Variants in FBXO3 observed in about 807,000 individuals in gnomAD.
FBXO3 encodes the protein F-box only protein 3.
A neutral mutation model predicts 64.8 loss-of-function variants in FBXO3; 17 were observed. The observed-to-expected ratio is 0.26, with a 90% CI of 0.18 to 0.39. The LOEUF is 0.39. Ranked by LOEUF, FBXO3 falls within the 10% of genes least tolerant of loss-of-function variation. The pLI is 1.00. For synonymous variants in FBXO3, 182 were observed against 201.6 expected (o/e 0.90, Z 0.82); for missense variants, 420 against 589.9 (o/e 0.71, Z 2.98).
intron 6 of FBXO3, among the ~76,000 whole-genome samples, chr11:33,752,851 CA>C (rs1854997421): frequency 6.6e-6 from 1 of 151,912 alleles, no homozygotes; most frequent in Non-Finnish European, 1.5e-5. Flanking sequence ...TAACTAAAAA[CA>C]AATTTGTGGT....
intron 6 of FBXO3, 30 bp downstream of exon 6, chr11:33,754,425 A>AGGG: frequency 6.5e-7 from 1 of 1,547,906 alleles, no homozygotes; most frequent in Middle Eastern, 1.7e-4. Flanking sequence ...AAGAAGAAGA[A>AGGG]GGGGGAAAAA....
At chr11:33,750,380 A>G (rs1854924612) in intron 8 of FBXO3, among the ~76,000 whole-genome samples, 159 bp downstream of exon 8, 1 of 152,254 alleles carries the variant, frequency 6.6e-6, no homozygotes, top group African/African-American at 2.4e-5. Context: ...AAAGTCCTCC[A>G]TGAACACTAT....
At chr11:33,768,697 A>G in intron 3 of FBXO3, 154 bp downstream of exon 3, 2 of 807,686 alleles carry the variant, frequency 2.5e-6, no homozygotes, top group Admixed American at 1.9e-5. Context: ...ACTAGAGTGA[A>G]GGTCCTACTT....
intron 8 of FBXO3, among the ~76,000 whole-genome samples, chr11:33,749,168 T>C (rs543716822): frequency 1.3e-5 from 2 of 152,330 alleles, no homozygotes; most frequent in South Asian, 2.1e-4. Flanking sequence ...TGCAACATAA[T>C]GGTGACAACA....
intron 2 of FBXO3, among the ~76,000 whole-genome samples, 184 bp downstream of exon 2, chr11:33,770,557 C>G (rs1480984578): frequency 1.3e-5 from 2 of 152,148 alleles, no homozygotes; most frequent in African/African-American, 4.8e-5. Flanking sequence ...TAGAGTTCAG[C>G]AAGGGAGAGC....
chr11:33,757,472 A>AAT lies in FBXO3; in HGVS notation c.473+1014_473+1015insAT, dbSNP rs1482010412. Among the ~76,000 whole-genome samples, 1,052 of 131,704 alleles carry AAT rather than the reference A, an allele frequency of 8.0e-3. 6 individuals are homozygous for AAT. The highest frequency in any genetic ancestry group is 0.018 in the South Asian group (72 of 4,058). The allele number at this position is 131,704 out of a possible 152,430, so 86.4% of individuals were successfully genotyped here. ...CTAATAATAATAATAATAATAATAA[A>AAT]AAAATAAAAATTTAAAATAATAAAA... On this transcript the variant is annotated intron_variant, in intron 4 of 10. Transcript: ENST00000265651.
intron 3 of FBXO3, among the ~76,000 whole-genome samples, chr11:33,761,103 A>G (rs1855229638): frequency 6.6e-6 from 1 of 152,318 alleles, no homozygotes; most frequent in South Asian, 2.1e-4. Flanking sequence ...GACTTTAAAA[A>G]GTCAAAGATG....
intron 3 of FBXO3, among the ~76,000 whole-genome samples, chr11:33,760,734 G>A (rs1051551789): frequency 2.0e-5 from 3 of 152,148 alleles, no homozygotes; most frequent in Admixed American, 6.6e-5. Context: ...TATAACCAGT[G>A]AATATATCTT....
At chr11:33,746,567 C>A in intron 10 of FBXO3, 1 of 660,570 alleles carries the variant, frequency 1.5e-6, no homozygotes, top group Non-Finnish European at 2.7e-6. Context: ...TATTTTATCC[C>A]CATTGTATAA....
chr11:33,760,592 C>G (rs1035957067), intron 3 of FBXO3, among the ~76,000 whole-genome samples: 2 of 152,126 alleles, frequency 1.3e-5, no homozygotes, highest in African/African-American at 4.8e-5. Flanking sequence ...CTGCAATGGG[C>G]TATGATTGTG....
intron 10 of FBXO3, chr11:33,744,287 G>A (rs1854759350): frequency 6.6e-6 from 1 of 152,020 alleles, no homozygotes; most frequent in Non-Finnish European, 1.5e-5. Flanking sequence ...ATGTGGCTAA[G>A]GAGAAAGATT....
chr11:33,747,472 T>A, intron 9 of FBXO3, 152 bp from the exon 10 acceptor site: 1 of 640,654 alleles, frequency 1.6e-6, no homozygotes, highest in Non-Finnish European at 2.6e-6. Flanking sequence ...AACAAAATGT[T>A]AACAGTGATA....
At chr11:33,754,371 G>T in intron 6 of FBXO3, 84 bp downstream of exon 6, 1 of 1,157,064 alleles carries the variant, frequency 8.6e-7, no homozygotes, top group Non-Finnish European at 1.2e-6. Context: ...TGCTAAAGTA[G>T]CTGAAAAAGT....
chr11:33,771,046 CTGAAACA>C, intron 1 of FBXO3: 1 of 417,724 alleles, frequency 2.4e-6, no homozygotes, highest in Non-Finnish European at 4.4e-6. Flanking sequence ...CAAATAAACC[CTGAAACA>C]TCTACAACTG....
intron 2 of FBXO3, among the ~76,000 whole-genome samples, chr11:33,769,923 A>G (rs1270884886): frequency 6.7e-6 from 1 of 149,762 alleles, no homozygotes; most frequent in African/African-American, 2.5e-5. Context: ...TCTAAATAAT[A>G]TACACATAGA....
At position 33,774,488 on chromosome 11, in the gene FBXO3, T is replaced by C. The variant is rs147367995; in HGVS notation, c.10A>G (p.Met4Val). MAA[M>V]ETETAPLTLE... ...GTCAGCGGCGCCGTCTCGGTCTCCA[T>C]GGCCGCCATCTTGCCTGGCCCGGTG... Residue 4 changes from methionine (M) to valine (V), a missense_variant, in exon 1 of 11, where the codon ATG becomes GTG. By Grantham distance (21) the Met-to-Val change is conservative. Around this residue, in one of 3 missense-constraint regions of FBXO3, gnomAD observed 26 missense variants for 16.1 expected, o/e 1.62. Transcript: ENST00000265651. 1.9e-4 allele frequency: 292 copies of C among 1,568,076 alleles called. No homozygotes were observed. The highest frequency in any genetic ancestry group is 8.3e-5 in the African/African-American group (6 of 72,492).
chr11:33,753,178 G>A (rs751265637), intron 6 of FBXO3: 2 of 152,198 alleles, frequency 1.3e-5, no homozygotes, highest in Non-Finnish European at 2.9e-5. Flanking sequence ...GCAGCTGAAA[G>A]GAAGCTCCTT....
In FBXO3 at chr11:33,755,847, T is replaced by C. The variant is rs1427914886; in HGVS notation, c.602A>G (p.His201Arg). 5 of 1,614,176 alleles carry C rather than the reference T, an allele frequency of 3.1e-6. No individual in the cohort carries two copies. In the Admixed American group the frequency reaches 6.7e-5, roughly 22 times the overall value. ...TGCTATGTACTGACTCAAACCAGTA[T>C]GTATGCAAAAAGTTAAAGGGAGACA... ...KYCLPLTFCI[H>R]TGLSQYIAVE... is the part of the protein sequence containing the mutation. Residue 201 changes from histidine to arginine, a missense_variant, in exon 5 of 11, where the codon CAT becomes CGT. By Grantham distance (29) the His-to-Arg change is conservative. This residue lies in a region of FBXO3 where 337 missense variants were observed against 518.4 expected (regional missense o/e 0.65). Transcript: ENST00000265651.
intron 3 of FBXO3, among the ~76,000 whole-genome samples, chr11:33,766,219 G>T (rs1183085964): frequency 6.6e-6 from 1 of 152,132 alleles, no homozygotes; most frequent in Non-Finnish European, 1.5e-5. Flanking sequence ...AAGTTATGAG[G>T]AGCCAAGAAG....
Sources: gnomAD v4.1 joint callset for allele counts (sites outside exome capture counted in the v4.1 genomes callset) on GRCh38, gnomAD v4.1.1 for gene constraint, gnomAD v4.1.1 regional missense constraint, MANE v1.5 for transcripts, NCBI Gene and HGNC (gene_info 2026-07-23, HGNC 2026-07-21) for gene names.